The following GPT2 variants were observed in gnomAD, a reference collection of about 807,000 sequenced individuals.
GPT2 encodes the protein alanine aminotransferase 2.
In GPT2, 30 loss-of-function variants were observed where a neutral mutation model predicts 56.9. The ratio of observed to expected loss-of-function variants is 0.53; its 90% CI spans 0.39 to 0.72. GPT2 has a LOEUF of 0.72. GPT2 is among the 30% of genes least tolerant of loss of function. The pLI, the probability that GPT2 is intolerant of heterozygous loss-of-function variation, is 0.00. For synonymous variants in GPT2, 271 were observed against 283.1 expected (o/e 0.96, Z 0.43); for missense variants, 542 against 703.4 (o/e 0.77, Z 2.60).
intron 4 of GPT2, among the ~76,000 whole-genome samples, chr16:46,906,154 G>C (rs1567337610): frequency 1.3e-5 from 2 of 152,040 alleles, no homozygotes; most frequent in Admixed American, 6.6e-5. Flanking sequence ...GCTCACCGCA[G>C]CCTCTACCTC....
intron 2 of GPT2, among the ~76,000 whole-genome samples, chr16:46,894,820 C>G (rs890881070): frequency 1.3e-5 from 2 of 152,222 alleles, no homozygotes; most frequent in Admixed American, 6.5e-5. Context: ...CGCCCGCCCC[C>G]ACGCCTGGCT....
intron 4 of GPT2, among the ~76,000 whole-genome samples, chr16:46,901,357 A>G (rs756482847): frequency 3.3e-5 from 5 of 152,000 alleles, no homozygotes; most frequent in South Asian, 2.1e-4. Context: ...CCATGCCCCA[A>G]TGTCTGCATC....
rs1960453714 is a variant in GPT2 at position 46,884,925 on chromosome 16, C to T, written c.210C>T (p.Leu70=). ...ACGCCGTGCGGGGACCCATCGTGCT[C>T]AAGGCCGGCGAGATCGAGCTCGAGC... ...VEYAVRGPIV[L]KAGEIELELQ... is the part of the protein sequence containing the mutation. The change falls in exon 2 of 12, where the codon CTC becomes CTT. Residue 70 remains leucine (L), a synonymous_variant. Transcript: ENST00000340124. 1 of 1,533,832 alleles carries T rather than the reference C, an allele frequency of 6.5e-7. No homozygotes were observed. Among genetic ancestry groups the T allele is most frequent in the Admixed American group, 2.0e-5 (1 of 49,830 alleles).
intron 6 of GPT2, among the ~76,000 whole-genome samples, chr16:46,911,252 C>T (rs1052711124): frequency 6.6e-5 from 10 of 152,150 alleles, no homozygotes; most frequent in African/African-American, 1.9e-4. Flanking sequence ...CTTTCTGGGC[C>T]GCTGCCTTCA....
intron 10 of GPT2, 107 bp from the exon 11 acceptor site, chr16:46,926,818 C>A: frequency 1.6e-6 from 1 of 638,698 alleles, no homozygotes. Flanking sequence ...GGGAGAAGGG[C>A]ACTGCCGTGG....
intron 2 of GPT2, chr16:46,885,608 C>T: frequency 1.1e-6 from 1 of 925,102 alleles, no homozygotes; most frequent in Non-Finnish European, 1.3e-6. Context: ...GCCTGTCGGG[C>T]TTTGGTAAGG....
chr16:46,925,656 C>G (rs1261664946), intron 10 of GPT2, among the ~76,000 whole-genome samples: 1 of 151,888 alleles, frequency 6.6e-6, no homozygotes, highest in Non-Finnish European at 1.5e-5. Flanking sequence ...CATAGTGAAA[C>G]CCTCTCTACA....
intron 2 of GPT2, among the ~76,000 whole-genome samples, chr16:46,892,517 C>A (rs1375511333): frequency 6.6e-6 from 1 of 152,166 alleles, no homozygotes; most frequent in African/African-American, 2.4e-5. Context: ...ATACTGTTTT[C>A]CATAATGGCT....
intron 10 of GPT2, among the ~76,000 whole-genome samples, chr16:46,925,038 C>T (rs186884449): frequency 7.7e-4 from 117 of 152,062 alleles, no homozygotes; most frequent in East Asian, 5.4e-3. Flanking sequence ...TTGGGATTAC[C>T]GGCTTGAGCC....
intron 7 of GPT2, 51 bp downstream of exon 7, chr16:46,916,758 G>C: frequency 2.4e-6 from 3 of 1,268,568 alleles, no homozygotes; most frequent in Non-Finnish European, 3.5e-6. Flanking sequence ...CTCTTCTAGA[G>C]GGAGGGACCC....
chr16:46,903,327 G>T (rs993421786), intron 4 of GPT2, among the ~76,000 whole-genome samples: 2 of 151,112 alleles, frequency 1.3e-5, no homozygotes, highest in Non-Finnish European at 2.9e-5. Context: ...TCCTTTTTAA[G>T]AGATAGGGTC....
chr16:46,903,300 G>GT lies in GPT2; in HGVS notation c.442+2520dup, dbSNP rs546475338. On this transcript the variant is annotated intron_variant, in intron 4 of 11. Coordinates refer to ENST00000340124, the MANE Select transcript of GPT2 (RefSeq NM_133443.4). The stretch of plus-strand genomic sequence containing the variant: ...TTTCTTAGCAGGGCTTCATGTTTTT[G>GT]TTTTTTTTTTCTTTTTTCCTTTTTA... 4.2e-4 allele frequency among the ~76,000 whole-genome samples: 62 copies of GT among 147,452 alleles called. 1 individual carries two copies. Among genetic ancestry groups the GT allele is most frequent in the African/African-American group, 7.9e-4 (32 of 40,322 alleles).
At chr16:46,911,394 C>G (rs1272666990) in intron 6 of GPT2, among the ~76,000 whole-genome samples, 1 of 152,250 alleles carries the variant, frequency 6.6e-6, no homozygotes, top group Admixed American at 6.5e-5. Context: ...TCAAATGATG[C>G]TTCAGTCAGC....
chr16:46,912,938 T>C (rs1401149465), intron 6 of GPT2, among the ~76,000 whole-genome samples: 1 of 152,162 alleles, frequency 6.6e-6, no homozygotes, highest in Non-Finnish European at 1.5e-5. Context: ...CTACAGATGT[T>C]CCCATCAGCT....
chr16:46,909,853 G>C lies in GPT2; in HGVS notation c.746G>C (p.Arg249Pro), dbSNP rs200427767. The C allele has an allele frequency of 6.2e-7, 1 of 1,614,158 alleles. No homozygotes were observed. The highest frequency in any genetic ancestry group is 2.2e-5 in the East Asian group (1 of 44,874). ...NCWALNVNELRRAVQEAKDHC... is the reference protein window; with the variant it reads ...NCWALNVNELPRAVQEAKDHC... ...TGGGCGCTGAATGTGAATGAGCTCC[G>C]GCGGGCGGTGCAGGAGGCCAAAGAC... The change falls in exon 6 of 12, where the codon CGG becomes CCG. Residue 249 changes from arginine (R) to proline (P), a missense_variant. Transcript: ENST00000340124.
rs1488094354 is a variant in GPT2, at chr16:46,927,202, G to C, written c.1481+165G>C. 2.0e-5 allele frequency among the ~76,000 whole-genome samples: 3 copies of C among 152,294 alleles called. No homozygotes were observed. The East Asian group carries it at 5.8e-4, about 29-fold the overall frequency. ...TGCTGCAGACCCAAGCTCAGACCCTGCCCAGGGATTAAGAAAATCTGGGTG... is the reference window on the plus strand; with the variant it reads ...TGCTGCAGACCCAAGCTCAGACCCTCCCCAGGGATTAAGAAAATCTGGGTG... On this transcript the variant is annotated intron_variant, in intron 11 of 11. Coordinates refer to ENST00000340124, the MANE Select transcript of GPT2 (RefSeq NM_133443.4).
At chr16:46,922,940 T>A (rs767667888) in intron 9 of GPT2, among the ~76,000 whole-genome samples, 4 of 152,170 alleles carry the variant, frequency 2.6e-5, no homozygotes, top group Admixed American at 2.6e-4. Flanking sequence ...AAAATACACA[T>A]AAAGTCGACC....
intron 2 of GPT2, among the ~76,000 whole-genome samples, chr16:46,896,969 G>A (rs931759147): frequency 6.6e-6 from 1 of 152,240 alleles, no homozygotes; most frequent in African/African-American, 2.4e-5. Context: ...AGGCCAAGGC[G>A]GAGGATCGCC....
chr16:46,920,938 C>T (rs901239898), intron 8 of GPT2, among the ~76,000 whole-genome samples: 2 of 152,082 alleles, frequency 1.3e-5, no homozygotes, highest in Admixed American at 1.3e-4. Flanking sequence ...GAGTCGTGCC[C>T]GGTGTTCTCA....
Sources: gnomAD v4.1 joint callset for allele counts (sites outside exome capture counted in the v4.1 genomes callset) on GRCh38, gnomAD v4.1.1 for gene constraint, MANE v1.5 for transcripts, NCBI Gene and HGNC (gene_info 2026-07-23, HGNC 2026-07-21) for gene names.